The following CELF2 variants were observed in gnomAD, a reference collection of about 807,000 sequenced individuals.
CELF2 encodes the protein CUGBP Elav-like family member 2.
A neutral mutation model predicts 62.6 loss-of-function variants in CELF2; 8 were observed. That is an observed-to-expected ratio of 0.13 (90% CI 0.07 to 0.23). The LOEUF (loss-of-function observed/expected upper bound fraction) is 0.23, where lower values mean the gene tolerates loss of function less well. CELF2 is among the 10% of genes least tolerant of loss of function. The probability of loss-of-function intolerance (pLI) is 1.00; values close to 1 mark genes in which losing one functional copy is unlikely to be tolerated. For synonymous variants in CELF2, 258 were observed against 250.0 expected, an observed-to-expected ratio of 1.03 and a Z score of -0.30; for missense variants, 333 against 671.0, an observed-to-expected ratio of 0.50 and a Z score of 5.56.
chr10:11,274,635 A>G (rs1263534806), intron 7 of CELF2, among the ~76,000 whole-genome samples: 1 of 152,186 alleles, frequency 6.6e-6, no homozygotes. Context: ...CACCAGAGTC[A>G]GTGAACCAAT....
chr10:11,190,875 G>C (rs1014116531), intron 2 of CELF2, among the ~76,000 whole-genome samples: 1 of 150,896 alleles, frequency 6.6e-6, no homozygotes, highest in African/African-American at 2.4e-5. Flanking sequence ...TAGGTTGGTG[G>C]TTGGCCAGGG....
intron 2 of CELF2, among the ~76,000 whole-genome samples, chr10:10,945,206 T>G (rs1299191969): frequency 6.6e-6 from 1 of 152,126 alleles, no homozygotes; most frequent in Non-Finnish European, 1.5e-5. Context: ...GGACCCAGCA[T>G]AGAAGCAGGG....
intron 7 of CELF2, among the ~76,000 whole-genome samples, chr10:11,272,272 A>G (rs763607923): frequency 6.6e-6 from 1 of 152,254 alleles, no homozygotes; most frequent in East Asian, 1.9e-4. Context: ...GCTAAAATCT[A>G]TATTTGCTCT....
the CELF2 span, among the ~76,000 whole-genome samples, chr10:10,577,388 A>C: frequency 6.7e-6 from 1 of 150,010 alleles, no homozygotes; most frequent in Non-Finnish European, 1.5e-5. Context: ...TATTATTATT[A>C]TTATTATACT....
chr10:11,326,438 G>T (rs2095735710), intron 12 of CELF2, among the ~76,000 whole-genome samples: 2 of 152,248 alleles, frequency 1.3e-5, no homozygotes, highest in African/African-American at 4.8e-5. Context: ...GCAGTTGACA[G>T]ATCTCACGGT....
At chr10:11,182,184 C>T (rs2073633520) in intron 2 of CELF2, among the ~76,000 whole-genome samples, 1 of 152,262 alleles carries the variant, frequency 6.6e-6, no homozygotes, top group Non-Finnish European at 1.5e-5. Context: ...TTTCGTTTGG[C>T]TCCAGTGTGA....
rs573567677 is a variant in CELF2, at chr10:11,255,778, C to T, written c.404-1960C>T. ...TAGGAGAGAAAAGAGTCTAAACTTT[C>T]ATTCCATGGATGACAAAACAGAGGT... On this transcript the variant is annotated intron_variant, in intron 4 of 12. Transcript: ENST00000633077. The surrounding 1 kb of genome is among the most constrained non-coding windows in gnomAD (Gnocchi z 5.5). Among the ~76,000 whole-genome samples the T allele has an allele frequency of 9.9e-4, 151 of 152,294 alleles. No individual in the cohort carries two copies. Among genetic ancestry groups the T allele is most frequent in the Non-Finnish European group, 1.6e-4 (11 of 68,024 alleles).
At chr10:11,022,639 C>A (rs1015678734) in intron 1 of CELF2, among the ~76,000 whole-genome samples, 1 of 151,992 alleles carries the variant, frequency 6.6e-6, no homozygotes, top group East Asian at 1.9e-4. Context: ...AACTTCATTT[C>A]TCTTTACCCC....
Position 10,928,293 on chromosome 10 carries a change from A to G in CELF2, c.89+8294A>G, listed in dbSNP as rs4141529. 2.6e-5 allele frequency among the ~76,000 whole-genome samples: 4 copies of G among 152,274 alleles called. No individual in the cohort carries two copies. In the East Asian group the frequency reaches 7.7e-4, roughly 29 times the overall value. On this transcript the variant is annotated intron_variant, in intron 2 of 13. Transcript: ENST00000636488. This position sits in a 1 kb window ranked among gnomAD's most constrained non-coding sequence, Gnocchi z 4.8. ...CAATAAATGTTTGTTGAATGACTAT[A>G]TGAGCCCCCATTTCAGAGATAAGAA...
At chr10:11,123,724 C>T (rs1367839909) in intron 1 of CELF2, among the ~76,000 whole-genome samples, 1 of 152,192 alleles carries the variant, frequency 6.6e-6, no homozygotes, top group Non-Finnish European at 1.5e-5. Context: ...CATTACTTCT[C>T]TAGTGATGAG....
intron 2 of CELF2, among the ~76,000 whole-genome samples, chr10:11,185,150 T>C (rs1029309187): frequency 6.6e-6 from 1 of 152,178 alleles, no homozygotes; most frequent in African/African-American, 2.4e-5. Context: ...TTTTTGTCTG[T>C]TTGTAAATAT....
rs144489264 is a variant in CELF2 at position 11,080,021 on chromosome 10, G to A, written c.74+61858G>A. On this transcript the variant is annotated intron_variant, in intron 1 of 12. Coordinates refer to ENST00000633077, the MANE Select transcript of CELF2 (RefSeq NM_001326342.2). ...TATAAACTGTTGTGAATTGCTCTCC[G>A]GTTTATAAATGTTTTAGCCATATTT... is the stretch of plus-strand genomic sequence containing the variant. Among the ~76,000 whole-genome samples, 163 of 152,216 alleles carry A rather than the reference G, an allele frequency of 1.1e-3. 1 individual carries two copies. Among genetic ancestry groups the A allele is most frequent in the African/African-American group, 3.7e-3 (152 of 41,520 alleles).
chr10:11,027,575 C>A (rs913918), intron 1 of CELF2, among the ~76,000 whole-genome samples: 112,291 of 152,082 alleles, frequency 0.74, 45,057 homozygotes, highest in East Asian at 0.91. Context: ...AGACCATTTT[C>A]ATTCCATTGG....
the CELF2 span, among the ~76,000 whole-genome samples, chr10:10,464,834 G>C: frequency 2.0e-5 from 3 of 152,084 alleles, no homozygotes; most frequent in Non-Finnish European, 2.9e-5. Context: ...ATGTTAGTTA[G>C]ATTTTACCCT....
At position 11,228,742 on chromosome 10, in the gene CELF2, A is replaced by C. The variant is rs1445191420; in HGVS notation, c.354+11235A>C. 4.3e-5 allele frequency among the ~76,000 whole-genome samples: 5 copies of C among 115,024 alleles called. No individual in the cohort carries two copies. The East Asian group carries it at 1.2e-3, about 29-fold the overall frequency. 75.5% of individuals were successfully genotyped at this position (115,024 alleles called of 152,430 possible). ...GCAAAAAAAAAAAAAAAAAAAAAAA[A>C]AAACTTGGAACCACCATTTTATCAT... is the stretch of plus-strand genomic sequence containing the variant. On this transcript the variant is annotated intron_variant, in intron 3 of 12. Coordinates refer to ENST00000633077, the MANE Select transcript of CELF2 (RefSeq NM_001326342.2).
chr10:10,800,445 G>A lies in CELF2; in HGVS notation c.53+1628G>A, dbSNP rs879403670. ...CTGCTCACTGCAACCTCCACCTCCC[G>A]GGTTCAAGCAATTCTTCTGCCTCAG... On this transcript the variant is annotated intron_variant, in intron 1 of 13. Transcript: ENST00000636488. Among the ~76,000 whole-genome samples, 4 of 151,938 alleles carry A rather than the reference G, an allele frequency of 2.6e-5. No individual in the cohort carries two copies. The South Asian group carries it at 8.3e-4, about 32-fold the overall frequency.
rs931457463 is a variant in CELF2, at chr10:11,211,908, C to T, written c.272-5517C>T. Among the ~76,000 whole-genome samples, 1 of 149,420 alleles carries T rather than the reference C, an allele frequency of 6.7e-6. No individual in the cohort carries two copies. The highest frequency in any genetic ancestry group is 2.5e-5 in the African/African-American group (1 of 40,680). ...CTTTGGAAACAGCAAAAATCTCATA[C>T]CAGTGTCTCAAATTATCTAACAGTT... On this transcript the variant is annotated intron_variant, in intron 2 of 12. Transcript: ENST00000633077. The surrounding 1 kb of genome is among the most constrained non-coding windows in gnomAD (Gnocchi z 4.8).
chr10:11,030,767 C>T (rs928486058), intron 1 of CELF2: 1 of 152,190 alleles, frequency 6.6e-6, no homozygotes, highest in Admixed American at 6.5e-5. Flanking sequence ...ACCCAGCAAT[C>T]TTCTACTTGT....
chr10:10,999,590 G>A (rs1364234556), intron 2 of CELF2, among the ~76,000 whole-genome samples: 1 of 152,164 alleles, frequency 6.6e-6, no homozygotes, highest in Non-Finnish European at 1.5e-5. Context: ...AACAGAGCAA[G>A]ACACCATCTC....
Sources: allele counts gnomAD v4.1 joint callset (sites outside exome capture counted in the v4.1 genomes callset), GRCh38; gene constraint gnomAD v4.1.1; non-coding constraint Gnocchi (gnomAD v3.1); transcripts MANE v1.5; gene names NCBI Gene and HGNC (gene_info 2026-07-23, HGNC 2026-07-21).